MAPK8: variants seen among roughly 807,000 people sequenced by gnomAD.
The protein encoded by MAPK8 is mitogen-activated protein kinase 8, also known as JUN N-terminal kinase.
In MAPK8, 13 loss-of-function variants were observed where a neutral mutation model predicts 52.9. That is an observed-to-expected ratio of 0.25 (90% confidence interval 0.16 to 0.39). MAPK8 has a LOEUF of 0.39. Among genes scored for constraint, MAPK8 ranks in the 10% least tolerant of loss-of-function variants. The pLI, the probability that MAPK8 is intolerant of heterozygous loss-of-function variation, is 1.00. For missense variants in MAPK8, 300 were observed against 519.2 expected (o/e 0.58, Z 4.10); for synonymous variants, 191 against 169.8 (o/e 1.12, Z -0.97).
chr10:48,348,002 C>T (rs1208917678), intron 1 of MAPK8, among the ~76,000 whole-genome samples: 1 of 152,236 alleles, frequency 6.6e-6, no homozygotes, highest in Non-Finnish European at 1.5e-5. Flanking sequence ...AACTAATTTA[C>T]ACTCCCACTA....
chr10:48,393,503 A>G (rs2041733977), intron 1 of MAPK8, among the ~76,000 whole-genome samples: 1 of 152,134 alleles, frequency 6.6e-6, no homozygotes, highest in Non-Finnish European at 1.5e-5. Flanking sequence ...AGGAAACATC[A>G]GACAAAATGT....
chr10:48,426,978 T>G (rs944878007), intron 9 of MAPK8, 102 bp from the exon 10 acceptor site: 11 of 788,582 alleles, frequency 1.4e-5, no homozygotes, highest in African/African-American at 1.4e-4. Flanking sequence ...GATCTAATGA[T>G]ATATTTTTAT....
intron 1 of MAPK8, among the ~76,000 whole-genome samples, chr10:48,322,106 T>C (rs1232150260): frequency 6.6e-6 from 1 of 152,192 alleles, no homozygotes; most frequent in Non-Finnish European, 1.5e-5. Context: ...TGTCTGTGAG[T>C]GTATGAATTC....
At chr10:48,352,410 A>G (rs1276198404) in intron 1 of MAPK8, among the ~76,000 whole-genome samples, 1 of 152,188 alleles carries the variant, frequency 6.6e-6, no homozygotes, top group Non-Finnish European at 1.5e-5. Context: ...ACGGTATATA[A>G]ATAGAATTAA....
chr10:48,319,852 T>C (rs1036578060), intron 1 of MAPK8, among the ~76,000 whole-genome samples: 1 of 152,118 alleles, frequency 6.6e-6, no homozygotes, highest in African/African-American at 2.4e-5. Context: ...GACTGGCTTA[T>C]TTCACTTAGC....
intron 1 of MAPK8, among the ~76,000 whole-genome samples, chr10:48,383,605 A>G (rs535811704): frequency 6.6e-6 from 1 of 152,266 alleles, no homozygotes; most frequent in African/African-American, 2.4e-5. Context: ...TTTCAAACAC[A>G]TGATAAGATT....
intron 1 of MAPK8, among the ~76,000 whole-genome samples, chr10:48,394,174 A>G (rs1345620546): frequency 6.6e-6 from 1 of 152,002 alleles, no homozygotes; most frequent in Admixed American, 6.5e-5. Context: ...AACTCATCAT[A>G]GAAGACTTCA....
intron 1 of MAPK8, among the ~76,000 whole-genome samples, chr10:48,365,768 T>C (rs1357895056): frequency 6.6e-6 from 1 of 152,126 alleles, no homozygotes; most frequent in Non-Finnish European, 1.5e-5. Flanking sequence ...ATTTTAGATA[T>C]GAGTATAAGG....
chr10:48,341,289 A>T (rs1467378877), intron 1 of MAPK8, among the ~76,000 whole-genome samples: 1 of 152,232 alleles, frequency 6.6e-6, no homozygotes, highest in Non-Finnish European at 1.5e-5. Context: ...AAATGTAAAA[A>T]GTAAAAGAAG....
intron 1 of MAPK8, among the ~76,000 whole-genome samples, chr10:48,346,450 G>T (rs747465476): frequency 7.9e-5 from 12 of 152,232 alleles, no homozygotes; most frequent in Non-Finnish European, 1.8e-4. Flanking sequence ...TGGCAGTGAC[G>T]CCAGCGTCTG....
At chr10:48,306,929 C>G (rs1841389906) in intron 1 of MAPK8, 108 bp downstream of exon 1, 1 of 152,306 alleles carries the variant, frequency 6.6e-6, no homozygotes, top group Admixed American at 6.6e-5. Flanking sequence ...TAACCCCCTC[C>G]TGGGAGTGGG....
At chr10:48,353,190 T>A (rs1331225724) in intron 1 of MAPK8, among the ~76,000 whole-genome samples, 2 of 152,092 alleles carry the variant, frequency 1.3e-5, no homozygotes, top group African/African-American at 2.4e-5. Flanking sequence ...GTAATACAAG[T>A]TTAACAAAAT....
At chr10:48,319,422 C>T (rs1245220107) in intron 1 of MAPK8, among the ~76,000 whole-genome samples, 2 of 152,118 alleles carry the variant, frequency 1.3e-5, no homozygotes, top group South Asian at 2.1e-4. Flanking sequence ...ACACACACCC[C>T]CTCCTCTCCC....
chr10:48,425,299 A>T, intron 7 of MAPK8: 1 of 610,038 alleles, frequency 1.6e-6, no homozygotes, highest in Non-Finnish European at 3.0e-6. Context: ...TAACCTTACA[A>T]CTTAGCAAAA....
At chr10:48,324,270 A>G (rs1488067327) in intron 1 of MAPK8, among the ~76,000 whole-genome samples, 2 of 152,162 alleles carry the variant, frequency 1.3e-5, no homozygotes, top group Non-Finnish European at 2.9e-5. Context: ...GTGATTTCTC[A>G]CCTAGTTTCC....
At chr10:48,318,609 A>G (rs1383086380) in intron 1 of MAPK8, among the ~76,000 whole-genome samples, 1 of 152,228 alleles carries the variant, frequency 6.6e-6, no homozygotes, top group Non-Finnish European at 1.5e-5. Flanking sequence ...AATAATGCTC[A>G]GGTTAACTTT....
In MAPK8 at chr10:48,404,991, CA is replaced by C. The variant is rs770119133; in HGVS notation, c.252+11del. ...TGTTAATCACAAAAATGTAAGTGAA[CA>C]TTTTTGGTTTCCTAAGTATAGATGA... On this transcript the variant is annotated intron_variant, in intron 3 of 11. Transcript: ENST00000374189. 7 of 1,589,310 alleles carry C rather than the reference CA, an allele frequency of 4.4e-6. No homozygotes were observed. The highest frequency in any genetic ancestry group is 6.0e-6 in the Non-Finnish European group (7 of 1,168,970).
intron 1 of MAPK8, among the ~76,000 whole-genome samples, chr10:48,375,636 G>A (rs2040612811): frequency 6.6e-6 from 1 of 152,094 alleles, no homozygotes; most frequent in Non-Finnish European, 1.5e-5. Flanking sequence ...ATTCACAGTT[G>A]CTACAAAGAG....
At chr10:48,396,903 C>T (rs1413825460) in intron 1 of MAPK8, among the ~76,000 whole-genome samples, 1 of 152,072 alleles carries the variant, frequency 6.6e-6, no homozygotes, top group Non-Finnish European at 1.5e-5. Flanking sequence ...ATTTTTTTCC[C>T]AGTCTGTGGC....
Sources: allele counts gnomAD v4.1 joint callset (sites outside exome capture counted in the v4.1 genomes callset), GRCh38; gene constraint gnomAD v4.1.1; transcripts MANE v1.5; gene names NCBI Gene and HGNC (gene_info 2026-07-23, HGNC 2026-07-21).